FBXL4: variants seen among roughly 807,000 people sequenced by gnomAD.
The protein encoded by FBXL4 is F-box/LRR-repeat protein 4.
FBXL4 carries 40 observed loss-of-function variants against 58.9 expected under a neutral mutation model. The ratio of observed to expected loss-of-function variants is 0.68; its 90% CI spans 0.53 to 0.88. The LOEUF (loss-of-function observed/expected upper bound fraction) is 0.88, where lower values mean the gene tolerates loss of function less well. Ranked by LOEUF, FBXL4 falls within the 40% of genes least tolerant of loss-of-function variation. FBXL4 has a pLI of 0.00. For missense variants in FBXL4, 676 were observed against 734.4 expected (o/e 0.92, Z 0.92); for synonymous variants, 263 against 265.5 (o/e 0.99, Z 0.09).
intron 5 of FBXL4, among the ~76,000 whole-genome samples, chr6:98,907,237 C>T (rs112121280): frequency 5.3e-5 from 8 of 152,112 alleles, no homozygotes; most frequent in Non-Finnish European, 1.2e-4. Flanking sequence ...CACAGAGGAG[C>T]TTGGATTTAT....
At position 98,917,488 on chromosome 6, in the gene FBXL4, A is replaced by G. The variant is rs149549442; in HGVS notation, c.744T>C (p.Asp248=). 1.6e-5 allele frequency: 26 copies of G among 1,613,946 alleles called. No individual in the cohort carries two copies. Among genetic ancestry groups the G allele is most frequent in the Non-Finnish European group, 2.1e-5 (25 of 1,179,936 alleles). ...AACCATCCTTTTCTGCATAGGCATC[A>G]TCTTCTATATCATTCATGTCAATAA... ...TSLIDMNDIE[D]DAYAEKDGCG... is the part of the protein sequence containing the mutation. The change falls in exon 5 of 10, where the codon GAT becomes GAC. Residue 248 remains aspartate (D), a synonymous_variant. Transcript: ENST00000369244.
intron 5 of FBXL4, among the ~76,000 whole-genome samples, chr6:98,914,102 C>A (rs1772224133): frequency 6.6e-6 from 1 of 152,150 alleles, no homozygotes; most frequent in African/African-American, 2.4e-5. Flanking sequence ...TACACTCTCC[C>A]AAGGCTAAAC....
At chr6:98,897,030 T>A (rs1020265283) in intron 7 of FBXL4, 2 of 984,688 alleles carry the variant, frequency 2.0e-6, no homozygotes, top group South Asian at 9.4e-5. Context: ...CAAGCCACAA[T>A]AGATATAAGA....
chr6:98,946,758 A>G (rs544655595), intron 1 of FBXL4, among the ~76,000 whole-genome samples: 2 of 152,340 alleles, frequency 1.3e-5, no homozygotes, highest in South Asian at 2.1e-4. Context: ...GAAGAATCCA[A>G]TTCAAGGAAC....
At chr6:98,904,781 G>C (rs142180009) in intron 6 of FBXL4, among the ~76,000 whole-genome samples, 2 of 152,250 alleles carry the variant, frequency 1.3e-5, no homozygotes, top group African/African-American at 4.8e-5. Context: ...ACACCTGTTT[G>C]TATCCTAAGA....
At chr6:98,874,475 A>T in intron 9 of FBXL4, 34 bp from the exon 10 acceptor site, 1 of 1,585,930 alleles carries the variant, frequency 6.3e-7, no homozygotes. Context: ...ACAAAACAAA[A>T]CACCTTAAGT....
At chr6:98,934,088 T>A (rs772741681) in intron 2 of FBXL4, among the ~76,000 whole-genome samples, 2 of 151,916 alleles carry the variant, frequency 1.3e-5, no homozygotes, top group African/African-American at 2.4e-5. Context: ...CATAAAAGAG[T>A]CTTGACTCTG....
chr6:98,942,090 C>G (rs1429584920), intron 1 of FBXL4, among the ~76,000 whole-genome samples: 1 of 150,708 alleles, frequency 6.6e-6, no homozygotes, highest in Non-Finnish European at 1.5e-5. Flanking sequence ...AAAAATGGCT[C>G]AAACTCTTAT....
intron 7 of FBXL4, chr6:98,898,650 T>TA (rs1245671058): frequency 1.0e-6 from 1 of 984,868 alleles, no homozygotes; most frequent in Admixed American, 6.2e-5. Flanking sequence ...TAGTGCTAGG[T>TA]AGTTTGTAAA....
intron 4 of FBXL4, among the ~76,000 whole-genome samples, chr6:98,924,771 G>T (rs1195591897): frequency 2.6e-5 from 4 of 152,220 alleles, no homozygotes; most frequent in Non-Finnish European, 5.9e-5. Context: ...GGCCCTGGAA[G>T]TATTCCCTTA....
rs571805954 is a variant in FBXL4, at chr6:98,905,616, G to C, written c.913C>G (p.Gln305Glu). The change falls in exon 6 of 10, where the codon CAG becomes GAG. Residue 305 changes from glutamine (Q) to glutamate (E), a missense_variant. Transcript: ENST00000369244. Reference protein sequence around the residue: ...LTLPDLCRLAQTCKLLSQHCC... With the variant: ...LTLPDLCRLAETCKLLSQHCC... ...TGCTGGCTCAGTAGTTTGCAAGTCTGTGCTAATCTACACAGGTCTGGTAGT... is the reference window on the plus strand; with the variant it reads ...TGCTGGCTCAGTAGTTTGCAAGTCTCTGCTAATCTACACAGGTCTGGTAGT... 3.7e-6 allele frequency: 6 copies of C among 1,612,846 alleles called. No homozygotes were observed. In the South Asian group the frequency reaches 6.6e-5, roughly 18 times the overall value.
intron 4 of FBXL4, among the ~76,000 whole-genome samples, chr6:98,920,148 A>T (rs546500788): frequency 2.0e-5 from 3 of 152,304 alleles, no homozygotes; most frequent in African/African-American, 7.2e-5. Flanking sequence ...AAAATTATAA[A>T]TATAAACATA....
chr6:98,881,857 T>A (rs913408550), intron 7 of FBXL4, among the ~76,000 whole-genome samples: 3 of 152,016 alleles, frequency 2.0e-5, no homozygotes, highest in African/African-American at 7.2e-5. Flanking sequence ...TATATTAAGA[T>A]AATTTAATTT....
At chr6:98,937,075 T>C (rs1343205023) in intron 1 of FBXL4, among the ~76,000 whole-genome samples, 2 of 152,090 alleles carry the variant, frequency 1.3e-5, no homozygotes, top group African/African-American at 4.8e-5. Context: ...TTTGGGAAAC[T>C]GAGGCAGGTG....
At chr6:98,911,877 C>T (rs954685224) in intron 5 of FBXL4, among the ~76,000 whole-genome samples, 11 of 152,092 alleles carry the variant, frequency 7.2e-5, no homozygotes, top group Non-Finnish European at 1.3e-4. Flanking sequence ...CAAACTACTC[C>T]GAGCTACAGG....
chr6:98,903,856 GATATGTTT>G (rs1365451434), intron 6 of FBXL4, among the ~76,000 whole-genome samples: 3 of 152,028 alleles, frequency 2.0e-5, no homozygotes, highest in Non-Finnish European at 4.4e-5. Flanking sequence ...AAAAATAAGG[GATATGTTT>G]ATATGTTTAT....
chr6:98,904,493 C>A (rs1034890020), intron 6 of FBXL4, among the ~76,000 whole-genome samples: 6 of 152,170 alleles, frequency 3.9e-5, no homozygotes, highest in African/African-American at 1.2e-4. Context: ...ATTTCTGGAA[C>A]TGCATCTTTA....
intron 8 of FBXL4, among the ~76,000 whole-genome samples, chr6:98,880,026 G>T (rs1274698701): frequency 6.8e-6 from 1 of 147,168 alleles, no homozygotes; most frequent in Admixed American, 6.8e-5. Flanking sequence ...ATATTTCACA[G>T]ACCAGTAAAA....
chr6:98,930,365 G>C (rs534232434), intron 2 of FBXL4, among the ~76,000 whole-genome samples: 1 of 152,204 alleles, frequency 6.6e-6, no homozygotes. Context: ...AAGTTGCAGT[G>C]AGCCGAGATT....
Sources: allele counts gnomAD v4.1 joint callset (sites outside exome capture counted in the v4.1 genomes callset), GRCh38; gene constraint gnomAD v4.1.1; transcripts MANE v1.5; gene names NCBI Gene and HGNC (gene_info 2026-07-23, HGNC 2026-07-21).